PROS1: variants seen among roughly 807,000 people sequenced by gnomAD.
The protein encoded by PROS1 is vitamin K-dependent protein S.
PROS1 carries 29 observed loss-of-function variants against 75.9 expected under a neutral mutation model. That is an observed-to-expected ratio of 0.38 (90% CI 0.28 to 0.52). PROS1 has a LOEUF of 0.52. PROS1 is among the 20% of genes least tolerant of loss of function. The pLI is 0.83. For missense variants in PROS1, 680 were observed against 810.3 expected (o/e 0.84, Z 1.95); for synonymous variants, 245 against 280.6 (o/e 0.87, Z 1.27).
chr3:93,935,724 T>C (rs1273886694), intron 1 of PROS1, among the ~76,000 whole-genome samples: 3 of 152,086 alleles, frequency 2.0e-5, no homozygotes, highest in Non-Finnish European at 4.4e-5. Flanking sequence ...ACTTGGAATA[T>C]TGGTATATCG....
At chr3:93,913,722 CAGACTAATATAA>C (rs1265853286) in intron 3 of PROS1, among the ~76,000 whole-genome samples, 1 of 152,056 alleles carries the variant, frequency 6.6e-6, no homozygotes, top group Non-Finnish European at 1.5e-5. Context: ...AGAGTGAAAA[CAGACTAATATAA>C]GCCCCAATGT....
chr3:93,973,808 G>T lies in PROS1; in HGVS notation c.-59C>A. ...GGCGCGTCGCGGCGGGGACCGGAGC[G>T]CTAGGCGCCGCGGAGCTGCGAGCCT... On this transcript the variant is annotated 5_prime_UTR_variant, in exon 1 of 15. Coordinates refer to ENST00000394236, the MANE Select transcript of PROS1 (RefSeq NM_000313.4). 2 of 1,452,760 alleles carry T rather than the reference G, an allele frequency of 1.4e-6. No homozygotes were observed. The highest frequency in any genetic ancestry group is 1.9e-6 in the Non-Finnish European group (2 of 1,063,664). 90.0% of individuals were successfully genotyped at this position (1,452,760 alleles called of 1,614,324 possible).
In PROS1 at chr3:93,958,145, C is replaced by T. The variant is rs547758079; in HGVS notation, c.76+15529G>A. Among the ~76,000 whole-genome samples, 46 of 151,718 alleles carry T rather than the reference C, an allele frequency of 3.0e-4. No individual in the cohort carries two copies. In the East Asian group the frequency reaches 8.7e-3, roughly 29 times the overall value. ...AAAAATATTGAATTATCACCCAACC[C>T]CCCTAAATTATTATTTTTACTTATA... On this transcript the variant is annotated intron_variant, in intron 1 of 14. Coordinates refer to ENST00000394236, the MANE Select transcript of PROS1 (RefSeq NM_000313.4).
chr3:93,895,183 G>A (rs1708486013), intron 9 of PROS1, among the ~76,000 whole-genome samples: 1 of 152,080 alleles, frequency 6.6e-6, no homozygotes, highest in Admixed American at 6.6e-5. Context: ...GTATTATTTT[G>A]TATTGTATTG....
At chr3:93,934,036 C>T (rs982730466) in intron 1 of PROS1, among the ~76,000 whole-genome samples, 1 of 143,352 alleles carries the variant, frequency 7.0e-6, no homozygotes, top group African/African-American at 2.6e-5. Context: ...AAAATTTAAC[C>T]AGGAGTGGTG....
intron 1 of PROS1, among the ~76,000 whole-genome samples, chr3:93,937,368 AT>A (rs11345121): frequency 0.74 from 95,940 of 129,310 alleles, 35,048 homozygotes; most frequent in Non-Finnish European, 0.79. Flanking sequence ...TCATGAGTTG[AT>A]TTTTTTTTTT....
At chr3:93,909,772 CTAAT>C (rs1285628472) in intron 4 of PROS1, among the ~76,000 whole-genome samples, 15 of 152,036 alleles carry the variant, frequency 9.9e-5, no homozygotes, top group Non-Finnish European at 1.5e-4. Context: ...TAGCTAACGC[CTAAT>C]TAATTCCATA....
At position 93,884,901 on chromosome 3, in the gene PROS1, C is replaced by G; in HGVS notation, c.1324-5G>C. The G allele has an allele frequency of 6.2e-7, 1 of 1,611,056 alleles. No homozygotes were observed. Among genetic ancestry groups the G allele is most frequent in the African/African-American group, 1.3e-5 (1 of 74,892 alleles). On this transcript the variant is annotated splice_region_variant and splice_polypyrimidine_tract_variant and intron_variant, in intron 11 of 14. Coordinates refer to ENST00000394236, the MANE Select transcript of PROS1 (RefSeq NM_000313.4). Reference sequence around the variant, plus strand: ...TCCATCTAGACGAGGGTTAATCTAACAAATTAAAATACAAGTCAAGGAGTG... The same window carrying G: ...TCCATCTAGACGAGGGTTAATCTAAGAAATTAAAATACAAGTCAAGGAGTG...
intron 3 of PROS1, among the ~76,000 whole-genome samples, chr3:93,917,913 C>T (rs1708883196): frequency 6.6e-6 from 1 of 152,148 alleles, no homozygotes; most frequent in East Asian, 1.9e-4. Flanking sequence ...TGATGAGCCC[C>T]ACCCCCTGCT....
At chr3:93,952,051 A>G (rs1400537382) in intron 1 of PROS1, among the ~76,000 whole-genome samples, 1 of 152,240 alleles carries the variant, frequency 6.6e-6, no homozygotes, top group African/African-American at 2.4e-5. Context: ...ATATATATGC[A>G]CCCAATACAG....
intron 1 of PROS1, among the ~76,000 whole-genome samples, chr3:93,968,207 A>T (rs1449069540): frequency 6.6e-6 from 1 of 152,210 alleles, no homozygotes; most frequent in Non-Finnish European, 1.5e-5. Context: ...GGGTCTTTGC[A>T]GATGATCAAA....
intron 4 of PROS1, among the ~76,000 whole-genome samples, chr3:93,907,218 A>C (rs1217456040): frequency 6.6e-6 from 1 of 152,226 alleles, no homozygotes; most frequent in Non-Finnish European, 1.5e-5. Context: ...CCCTCTCTGA[A>C]GACCATAAAA....
intron 1 of PROS1, among the ~76,000 whole-genome samples, chr3:93,965,685 A>ACTTTT (rs971962345): frequency 2.0e-5 from 3 of 152,060 alleles, no homozygotes; most frequent in Non-Finnish European, 4.4e-5. Context: ...ACAACCTGAT[A>ACTTTT]CTTTTCTTTT....
intron 4 of PROS1, among the ~76,000 whole-genome samples, chr3:93,909,371 G>C (rs1708723413): frequency 6.7e-6 from 1 of 149,926 alleles, no homozygotes; most frequent in Non-Finnish European, 1.5e-5. Context: ...GGAGGTTGAG[G>C]CTGCAGTGAG....
rs1708241048 is a variant in PROS1 at position 93,879,303 on chromosome 3, T to C, written c.1504A>G (p.Ser502Gly). ...ACATTTACATGCCAACCCTCAGCAC[T>C]GGATACATTATCTATTTAAAATAAT... is the stretch of plus-strand genomic sequence containing the variant. ...QFHIDYNNVS[S>G]AEGWHVNVTL... Residue 502 changes from serine to glycine, a missense_variant, in exon 13 of 15, where the codon AGT (serine) becomes GGT (glycine). Physicochemically the swap from Ser to Gly is moderately conservative, Grantham distance 56. Transcript: ENST00000394236. 1 of 1,613,868 alleles carries C rather than the reference T, an allele frequency of 6.2e-7. No homozygotes were observed. The highest frequency in any genetic ancestry group is 1.7e-5 in the Admixed American group (1 of 60,002).
chr3:93,914,007 T>A (rs1282397203), intron 3 of PROS1, among the ~76,000 whole-genome samples: 1 of 152,244 alleles, frequency 6.6e-6, no homozygotes, highest in Admixed American at 6.5e-5. Flanking sequence ...TTTCCTTGAC[T>A]CTATGTCCTG....
intron 1 of PROS1, among the ~76,000 whole-genome samples, chr3:93,933,445 C>G (rs1202459353): frequency 6.6e-6 from 1 of 151,852 alleles, no homozygotes; most frequent in African/African-American, 2.4e-5. Flanking sequence ...CATGGTGGCG[C>G]ACACCTGGAA....
chr3:93,944,659 T>G lies in PROS1; in HGVS notation c.77-17252A>C, dbSNP rs572777762. Among the ~76,000 whole-genome samples, 30 of 152,318 alleles carry G rather than the reference T, an allele frequency of 2.0e-4. No individual in the cohort carries two copies. In the South Asian group the frequency reaches 5.8e-3, roughly 29 times the overall value. ...TCTCTGGGACACATTTAAAGCAGTA[T>G]ATTGGAGGGAAATTTATAGCACTAA... On this transcript the variant is annotated intron_variant, in intron 1 of 14. Transcript: ENST00000394236.
intron 3 of PROS1, among the ~76,000 whole-genome samples, chr3:93,913,320 T>C (rs183916733): frequency 7.9e-4 from 120 of 152,324 alleles, no homozygotes; most frequent in African/African-American, 2.5e-3. Flanking sequence ...GTGGAGATAA[T>C]TGAATCATGG....
Sources: allele counts gnomAD v4.1 joint callset (sites outside exome capture counted in the v4.1 genomes callset), GRCh38; gene constraint gnomAD v4.1.1; transcripts MANE v1.5; gene names NCBI Gene and HGNC (gene_info 2026-07-23, HGNC 2026-07-21).